AP2B1: variants seen among roughly 807,000 people sequenced by gnomAD.
AP2B1 encodes the protein AP-2 complex subunit beta.
AP2B1 carries 23 observed loss-of-function variants against 102.0 expected under a neutral mutation model. The ratio of observed to expected loss-of-function variants is 0.23; its 90% CI spans 0.16 to 0.32. The LOEUF (loss-of-function observed/expected upper bound fraction) is 0.32. AP2B1 is among the 10% of genes least tolerant of loss of function. The pLI, the probability that AP2B1 is intolerant of heterozygous loss-of-function variation, is 1.00. For synonymous variants in AP2B1, 381 were observed against 421.2 expected (o/e 0.90, Z 1.17); for missense variants, 541 against 1,157.4 (o/e 0.47, Z 7.73).
At chr17:35,600,894 A>C in intron 3 of AP2B1, 1 of 571,560 alleles carries the variant, frequency 1.7e-6, no homozygotes, top group Non-Finnish European at 2.2e-6. Flanking sequence ...CCCAGATAGA[A>C]ATGGCAGCGT....
chr17:35,601,960 A>G (rs1345538725), intron 3 of AP2B1, among the ~76,000 whole-genome samples: 2 of 152,106 alleles, frequency 1.3e-5, no homozygotes, highest in Non-Finnish European at 2.9e-5. Context: ...TATTTTTAGT[A>G]GAGATGGGGT....
At chr17:35,710,158 AAT>A in intron 19 of AP2B1, 74 bp from the exon 20 acceptor site, 1 of 1,055,856 alleles carries the variant, frequency 9.5e-7, no homozygotes, top group South Asian at 1.3e-5. Flanking sequence ...CCAAAGGAAA[AAT>A]GATGCAAGGC....
intron 14 of AP2B1, among the ~76,000 whole-genome samples, chr17:35,658,569 T>A (rs1263503808): frequency 6.6e-6 from 1 of 152,214 alleles, no homozygotes; most frequent in Non-Finnish European, 1.5e-5. Flanking sequence ...ATTACAAGAC[T>A]GCCTACATAG....
At chr17:35,643,027 CTT>C (rs541834442) in intron 12 of AP2B1, among the ~76,000 whole-genome samples, 8 of 140,256 alleles carry the variant, frequency 5.7e-5, no homozygotes, top group Non-Finnish European at 7.8e-5. Flanking sequence ...CCCCCACAGC[CTT>C]TTTTTTTTTT....
At chr17:35,706,280 T>A (rs2076339413) in intron 18 of AP2B1, among the ~76,000 whole-genome samples, 3 of 152,244 alleles carry the variant, frequency 2.0e-5, no homozygotes. Flanking sequence ...CTTTCCATTG[T>A]TAAAAGGCTC....
chr17:35,723,302 A>G (rs1414244310), intron 21 of AP2B1, among the ~76,000 whole-genome samples: 1 of 152,234 alleles, frequency 6.6e-6, no homozygotes, highest in African/African-American at 2.4e-5. Flanking sequence ...TTTTCATTTA[A>G]TAATAATCCC....
At chr17:35,642,043 T>C (rs1193860226) in intron 12 of AP2B1, 68 bp downstream of exon 12, 1 of 1,168,788 alleles carries the variant, frequency 8.6e-7, no homozygotes, top group Non-Finnish European at 1.3e-6. Context: ...TATGAAACTC[T>C]TCCTAGGGGA....
chr17:35,660,481 CTTTTT>C (rs71366472), intron 14 of AP2B1, among the ~76,000 whole-genome samples: 2 of 127,740 alleles, frequency 1.6e-5, no homozygotes, highest in Non-Finnish European at 1.6e-5. Context: ...TTTTCTCTCT[CTTTTT>C]TTTTTTTTTT....
In AP2B1 at chr17:35,636,376, T is replaced by C. The variant is rs2142690916; in HGVS notation, c.1191T>C (p.Asp397=). 1 of 1,614,028 alleles carries C rather than the reference T, an allele frequency of 6.2e-7. No individual in the cohort carries two copies. The highest frequency in any genetic ancestry group is 2.2e-5 in the East Asian group (1 of 44,868). ...AGCGCTGTGTAAGCACATTGCTTGA[T>C]CTAATCCAGACCAAAGTGAATTATG... ...SAERCVSTLL[D]LIQTKVNYVV... is the part of the protein sequence containing the mutation. Residue 397 remains aspartate, a synonymous_variant, in exon 10 of 22, where the codon GAT becomes GAC. Coordinates refer to ENST00000610402, the MANE Select transcript of AP2B1 (RefSeq NM_001030006.2).
intron 3 of AP2B1, among the ~76,000 whole-genome samples, chr17:35,603,391 A>C (rs2073556379): frequency 6.6e-6 from 1 of 152,244 alleles, no homozygotes; most frequent in South Asian, 2.1e-4. Flanking sequence ...TACACTTTAG[A>C]ATCTGACAAG....
chr17:35,714,214 C>T (rs180871040), intron 20 of AP2B1, among the ~76,000 whole-genome samples: 240 of 152,268 alleles, frequency 1.6e-3, no homozygotes, highest in African/African-American at 4.8e-3. Flanking sequence ...TGTTTTGTTG[C>T]GGCTCTCCCC....
At chr17:35,719,955 GTTTAC>G (rs2085307676) in intron 21 of AP2B1, among the ~76,000 whole-genome samples, 1 of 152,142 alleles carries the variant, frequency 6.6e-6, no homozygotes, top group African/African-American at 2.4e-5. Context: ...AAATCTTCAT[GTTTAC>G]TTTAAGAACA....
chr17:35,635,069 G>C (rs1382011729), intron 9 of AP2B1, among the ~76,000 whole-genome samples: 1 of 151,694 alleles, frequency 6.6e-6, no homozygotes, highest in Non-Finnish European at 1.5e-5. Flanking sequence ...TGGTGGGGTT[G>C]GGGGCATAGT....
In AP2B1 at chr17:35,677,514, G is replaced by A. The variant is rs563294714; in HGVS notation, c.2324+3193G>A. On this transcript the variant is annotated intron_variant, in intron 17 of 21. Transcript: ENST00000610402. The stretch of plus-strand genomic sequence containing the variant: ...AAGAGTCAATGTAAAAACTTTTTCC[G>A]TAATAGGTCTTGAAATCAGATGGCC... Among the ~76,000 whole-genome samples the A allele has an allele frequency of 6.7e-4, 102 of 152,060 alleles. 1 individual carries two copies. Among genetic ancestry groups the A allele is most frequent in the Middle Eastern group, 6.8e-3 (2 of 294 alleles).
At chr17:35,677,247 A>G (rs190917012) in intron 17 of AP2B1, among the ~76,000 whole-genome samples, 32 of 152,314 alleles carry the variant, frequency 2.1e-4, no homozygotes, top group African/African-American at 7.7e-4. Flanking sequence ...GCCTTGGCCT[A>G]CCAAGGTATG....
intron 12 of AP2B1, among the ~76,000 whole-genome samples, chr17:35,646,051 C>T (rs2074924216): frequency 6.6e-6 from 1 of 152,172 alleles, no homozygotes; most frequent in Non-Finnish European, 1.5e-5. Context: ...AGTATGGCCC[C>T]TGGGTTCTGC....
chr17:35,668,063 G>A (rs924142605), intron 14 of AP2B1, among the ~76,000 whole-genome samples: 4 of 150,312 alleles, frequency 2.7e-5, no homozygotes, highest in Non-Finnish European at 5.9e-5. Flanking sequence ...TCAGCCTTCT[G>A]AGTAGCTGGG....
At chr17:35,686,307 C>T (rs1311030122) in intron 18 of AP2B1, among the ~76,000 whole-genome samples, 2 of 152,212 alleles carry the variant, frequency 1.3e-5, no homozygotes, top group Non-Finnish European at 2.9e-5. Context: ...TGTTTAAATA[C>T]AGCAGAAACC....
intron 20 of AP2B1, among the ~76,000 whole-genome samples, chr17:35,710,595 C>G (rs2076426296): frequency 6.6e-6 from 1 of 152,234 alleles, no homozygotes. Context: ...AGTTCTGTTA[C>G]TTAAACATCC....
Sources: gnomAD v4.1 joint callset for allele counts (sites outside exome capture counted in the v4.1 genomes callset) on GRCh38, gnomAD v4.1.1 for gene constraint, MANE v1.5 for transcripts, NCBI Gene and HGNC (gene_info 2026-07-23, HGNC 2026-07-21) for gene names.